The following MED29 variants were observed in gnomAD, a reference collection of about 807,000 sequenced individuals.
MED29 encodes mediator of RNA polymerase II transcription subunit 29.
Under a neutral mutation model 22.0 loss-of-function variants are expected in MED29, and 14 were observed. The observed-to-expected ratio is 0.64, with a 90% CI of 0.42 to 0.99. MED29 has a LOEUF of 0.99. Ranked by LOEUF, MED29 falls within the 50% of genes least tolerant of loss-of-function variation. The pLI is 0.00. For missense variants in MED29, 241 were observed against 253.7 expected, an observed-to-expected ratio of 0.95 and a Z score of 0.34; for synonymous variants, 123 against 107.8, an observed-to-expected ratio of 1.14 and a Z score of -0.87.
intron 3 of MED29, among the ~76,000 whole-genome samples, chr19:39,396,921 G>A (rs1286952832): frequency 4.7e-5 from 7 of 150,412 alleles, no homozygotes; most frequent in Middle Eastern, 3.5e-3. Context: ...CCAGCTACTC[G>A]GGAGGCTGAG....
Position 39,397,819 on chromosome 19 carries a change from G to C in MED29, c.*120G>C. On this transcript the variant is annotated 3_prime_UTR_variant, in exon 4 of 4. Transcript: ENST00000315588. The stretch of plus-strand genomic sequence containing the variant: ...TTCCTGCCTGAGCACCGCAGCGGGA[G>C]CCAGCAGGGGGCAGCAGAGGCCAAC... 1 of 1,463,610 alleles carries C rather than the reference G, an allele frequency of 6.8e-7. No homozygotes were observed. Among genetic ancestry groups the C allele is most frequent in the Non-Finnish European group, 9.1e-7 (1 of 1,101,468 alleles). The allele number at this position is 1,463,610 out of a possible 1,614,324, so 90.7% of individuals were successfully genotyped here. A position where few individuals can be genotyped will look rare whatever the true frequency, so the allele number is the denominator to read the frequency against.
rs1272367478 is a variant in MED29, at chr19:39,392,763, C to A, written c.275+241C>A. On this transcript the variant is annotated intron_variant, in intron 2 of 3. Coordinates refer to ENST00000315588, the MANE Select transcript of MED29 (RefSeq NM_017592.4). ...GCCTCAGCCTCCCAAGTAGCCAGGA[C>A]TACAGACATGGCTACAGACTACAGA... 7.9e-6 allele frequency: 4 copies of A among 507,870 alleles called. No individual in the cohort carries two copies. The East Asian group carries it at 1.3e-4, about 16-fold the overall frequency. The allele number at this position is 507,870 out of a possible 1,614,324, so 31.5% of individuals were successfully genotyped here.
At chr19:39,392,337 C>A in intron 1 of MED29, 127 bp from the exon 2 acceptor site, 1 of 785,078 alleles carries the variant, frequency 1.3e-6, no homozygotes, top group Admixed American at 2.1e-5. Context: ...TTTGGAAAGT[C>A]AGGAGGGAAG....
rs756914786 is a variant in MED29 at position 39,392,513 on chromosome 19, A to G, written c.266A>G (p.Asp89Gly). The G allele has an allele frequency of 1.9e-6, 3 of 1,613,874 alleles. No homozygotes were observed. Among genetic ancestry groups the G allele is most frequent in the African/African-American group, 2.7e-5 (2 of 74,850 alleles). ...AACTTGATTCAGAACACTAACATCG[A>G]CAATGGACAGTGAGTGCAGCCCCCT... Reference protein sequence around the residue: ...AQNLIQNTNIDNGQKSSDGPI... With the variant: ...AQNLIQNTNIGNGQKSSDGPI... The change falls in exon 2 of 4, where the codon GAC becomes GGC. Residue 89 changes from aspartate (D) to glycine (G), a missense_variant. Transcript: ENST00000315588.
rs2078394185 is a variant in MED29 at position 39,392,505 on chromosome 19, T to C, written c.258T>C (p.Thr86=). The C allele has an allele frequency of 6.2e-7, 1 of 1,614,036 alleles. No individual in the cohort carries two copies. The stretch of plus-strand genomic sequence containing the variant: ...CGGCCCAAAACTTGATTCAGAACAC[T>C]AACATCGACAATGGACAGTGAGTGC... The part of the protein sequence containing the change: ...KVAAQNLIQN[T]NIDNGQKSSD... The change falls in exon 2 of 4, where the codon ACT becomes ACC. Residue 86 remains threonine (T), a synonymous_variant. Transcript: ENST00000315588.
Position 39,397,536 on chromosome 19 carries a change from C to T in MED29, c.440C>T (p.Pro147Leu), listed in dbSNP as rs2078435283. 6.2e-7 allele frequency: 1 copy of T among 1,613,212 alleles called. No homozygotes were observed. The highest frequency in any genetic ancestry group is 2.2e-5 in the East Asian group (1 of 44,888). The change falls in exon 4 of 4, where the codon CCC becomes CTC. Residue 147 changes from proline (P) to leucine (L), a missense_variant. Coordinates refer to ENST00000315588, the MANE Select transcript of MED29 (RefSeq NM_017592.4). ...ACGTTGGTGCCCACAGCCACCAAGC[C>T]CGACGCAGTGCAGCCTGACAGCCTC... ...SPTLVPTATK[P>L]DAVQPDSLPY...
Position 39,398,145 on chromosome 19 carries a change from C to G in MED29, c.*446C>G, listed in dbSNP as rs1044337744. 2 of 281,350 alleles carry G rather than the reference C, an allele frequency of 7.1e-6. No individual in the cohort carries two copies. Among genetic ancestry groups the G allele is most frequent in the African/African-American group, 4.3e-5 (2 of 46,408 alleles). 17.4% of individuals were successfully genotyped at this position (281,350 alleles called of 1,614,324 possible). On this transcript the variant is annotated 3_prime_UTR_variant, in exon 4 of 4. Transcript: ENST00000315588. ...TGTTAATGTGTTTCTCCCCATGGTC[C>G]TATTTCTCTCACTCTGACCTCTCTC...
intron 3 of MED29, among the ~76,000 whole-genome samples, chr19:39,393,959 G>A (rs1477765450): frequency 6.6e-6 from 1 of 152,252 alleles, no homozygotes; most frequent in East Asian, 1.9e-4. Flanking sequence ...GGAAATCTCA[G>A]TGTGGAAGCC....
At position 39,397,754 on chromosome 19, in the gene MED29, A is replaced by G; in HGVS notation, c.*55A>G. 6.3e-7 allele frequency: 1 copy of G among 1,579,486 alleles called. No homozygotes were observed. Among genetic ancestry groups the G allele is most frequent in the South Asian group, 1.1e-5 (1 of 89,180 alleles). On this transcript the variant is annotated 3_prime_UTR_variant, in exon 4 of 4. Coordinates refer to ENST00000315588, the MANE Select transcript of MED29 (RefSeq NM_017592.4). ...GGTTGGTGGGTGGTGTGCAAAGGGA[A>G]TGAAGAGCGTCCTGGGCCTAAACAC...
At chr19:39,396,564 A>G (rs566834944) in intron 3 of MED29, among the ~76,000 whole-genome samples, 1 of 152,128 alleles carries the variant, frequency 6.6e-6, no homozygotes, top group African/African-American at 2.4e-5. Flanking sequence ...CGTCTCTACT[A>G]AAAATACAAA....
At chr19:39,391,788 C>A in intron 1 of MED29, 150 bp downstream of exon 1, 4 of 939,274 alleles carry the variant, frequency 4.3e-6, no homozygotes, top group South Asian at 1.9e-5. Context: ...GTTCCCAGCA[C>A]TTTGGGAGGC....
chr19:39,398,176 G>C lies in MED29; in HGVS notation c.*477G>C, dbSNP rs1410778130. ...CTCTCACTCTGACCTCTCTCTCTTA[G>C]TCCCCTTTAGCTGTCTTCTATCCCC... On this transcript the variant is annotated 3_prime_UTR_variant, in exon 4 of 4. Transcript: ENST00000315588. 1.4e-5 allele frequency: 3 copies of C among 207,586 alleles called. No individual in the cohort carries two copies. The highest frequency in any genetic ancestry group is 2.9e-5 in the Non-Finnish European group (3 of 103,150). 12.9% of individuals were successfully genotyped at this position (207,586 alleles called of 1,614,324 possible). A position where few individuals can be genotyped will look rare whatever the true frequency, so the allele number is the denominator to read the frequency against.
At chr19:39,391,673 T>C in intron 1 of MED29, 35 bp downstream of exon 1, 1 of 1,542,860 alleles carries the variant, frequency 6.5e-7, no homozygotes, top group Non-Finnish European at 8.7e-7. Context: ...GCAAACTGGA[T>C]TTGGTAGTCT....
chr19:39,391,383 A>G lies in MED29; in HGVS notation c.-40A>G, dbSNP rs1260473381. 6.2e-6 allele frequency: 10 copies of G among 1,600,670 alleles called. No individual in the cohort carries two copies. In the South Asian group the frequency reaches 6.6e-5, roughly 11 times the overall value. On this transcript the variant is annotated 5_prime_UTR_variant, in exon 1 of 4. Transcript: ENST00000315588. ...GGATGCTGAAAAGCAACGGGGAGAG[A>G]CGCAGTCGTAACGCACTTCCGGCGG...
At position 39,392,532 on chromosome 19, in the gene MED29, G is replaced by A. The variant is rs1022338956; in HGVS notation, c.275+10G>A. ...ACATCGACAATGGACAGTGAGTGCAGCCCCCTTTACCAGGATATTCTATTG... is the reference window on the plus strand; with the variant it reads ...ACATCGACAATGGACAGTGAGTGCAACCCCCTTTACCAGGATATTCTATTG... On this transcript the variant is annotated intron_variant, in intron 2 of 3. Coordinates refer to ENST00000315588, the MANE Select transcript of MED29 (RefSeq NM_017592.4). The A allele has an allele frequency of 6.2e-6, 10 of 1,612,712 alleles. No homozygotes were observed. Among genetic ancestry groups the A allele is most frequent in the Non-Finnish European group, 8.5e-6 (10 of 1,179,226 alleles).
rs754293893 is a variant in MED29, at chr19:39,391,390, C to A, written c.-33C>A. 5 of 1,606,498 alleles carry A rather than the reference C, an allele frequency of 3.1e-6. No individual in the cohort carries two copies. In the African/African-American group the frequency reaches 5.3e-5, roughly 17 times the overall value. ...GAAAAGCAACGGGGAGAGACGCAGT[C>A]GTAACGCACTTCCGGCGGTCTACGC... On this transcript the variant is annotated 5_prime_UTR_variant, in exon 1 of 4. Transcript: ENST00000315588.
rs1407100386 is a variant in MED29, at chr19:39,398,326, T to G, written c.*627T>G. 1 of 154,580 alleles carries G rather than the reference T, an allele frequency of 6.5e-6. No individual in the cohort carries two copies. The highest frequency in any genetic ancestry group is 6.5e-5 in the Admixed American group (1 of 15,452). The allele number at this position is 154,580 out of a possible 1,614,324, so 9.6% of individuals were successfully genotyped here. The stretch of plus-strand genomic sequence containing the variant: ...CCAGAGTCCCCCAGCGGCTCGCATG[T>G]CAGCCCAGACCCCAGGGTCCTTGGC... On this transcript the variant is annotated 3_prime_UTR_variant, in exon 4 of 4. Transcript: ENST00000315588.
At chr19:39,395,841 C>T (rs1039135446) in intron 3 of MED29, among the ~76,000 whole-genome samples, 1 of 151,730 alleles carries the variant, frequency 6.6e-6, no homozygotes, top group Non-Finnish European at 1.5e-5. Flanking sequence ...GGCATGAACC[C>T]GGGAGGCAGA....
At position 39,398,737 on chromosome 19, in the gene MED29, G is replaced by A. The variant is rs2078444522; in HGVS notation, c.*1038G>A. The A allele has an allele frequency of 6.6e-6, 1 of 152,288 alleles. No individual in the cohort carries two copies. The highest frequency in any genetic ancestry group is 2.4e-5 in the African/African-American group (1 of 41,466). The allele number at this position is 152,288 out of a possible 1,614,324, so 9.4% of individuals were successfully genotyped here. On this transcript the variant is annotated 3_prime_UTR_variant, in exon 4 of 4. Transcript: ENST00000315588. Reference sequence around the variant, plus strand: ...GGGCGGAGCTACCAGCCCAGGCTCAGATGTTGGGGTGTGAAAGCCTCAAGT... The same window carrying A: ...GGGCGGAGCTACCAGCCCAGGCTCAAATGTTGGGGTGTGAAAGCCTCAAGT...
Sources: allele counts gnomAD v4.1 joint callset (sites outside exome capture counted in the v4.1 genomes callset), GRCh38; gene constraint gnomAD v4.1.1; transcripts MANE v1.5; gene names NCBI Gene and HGNC (gene_info 2026-07-23, HGNC 2026-07-21).